The following ALG14 variants were observed in gnomAD, a reference collection of about 807,000 sequenced individuals.
ALG14 encodes the protein ALG14 UDP-N-acetylglucosaminyltransferase subunit.
ALG14 carries 17 observed loss-of-function variants against 22.8 expected under a neutral mutation model. The observed-to-expected ratio is 0.75, with a 90% confidence interval of 0.51 to 1.12. The LOEUF (loss-of-function observed/expected upper bound fraction) is 1.12. Ranked by LOEUF, ALG14 falls within the 50% of genes most tolerant of loss-of-function variation. ALG14 has a pLI of 0.00. For missense variants in ALG14, 288 were observed against 271.8 expected (o/e 1.06, Z -0.42); for synonymous variants, 89 against 103.7 (o/e 0.86, Z 0.86).
rs1672492733 is a variant in ALG14 at position 94,981,506 on chromosome 1, G to T, written c.*1570C>A. ...AAGAAAAAAGGCTGGATCAGCCTCAGGATTTTAATCTTACATGATCGTGGA... is the reference window on the plus strand; with the variant it reads ...AAGAAAAAAGGCTGGATCAGCCTCATGATTTTAATCTTACATGATCGTGGA... On this transcript the variant is annotated 3_prime_UTR_variant, in exon 4 of 4. Coordinates refer to ENST00000370205, the MANE Select transcript of ALG14 (RefSeq NM_144988.4). 1 of 148,152 alleles carries T rather than the reference G, an allele frequency of 6.7e-6. No homozygotes were observed. The highest frequency in any genetic ancestry group is 2.5e-5 in the African/African-American group (1 of 40,376). 9.2% of individuals were successfully genotyped at this position (148,152 alleles called of 1,614,324 possible). A position where few individuals can be genotyped will look rare whatever the true frequency, so the allele number is the denominator to read the frequency against.
intron 2 of ALG14, among the ~76,000 whole-genome samples, chr1:95,036,805 T>G (rs373226457): frequency 1.3e-5 from 2 of 152,184 alleles, no homozygotes; most frequent in Admixed American, 6.5e-5. Context: ...TACAGTCCCA[T>G]GATGGGTCCT....
intron 2 of ALG14, among the ~76,000 whole-genome samples, chr1:95,045,235 T>C (rs763326966): frequency 1.3e-5 from 2 of 152,364 alleles, no homozygotes; most frequent in South Asian, 2.1e-4. Flanking sequence ...ATTTATAGCA[T>C]ATATTACTTT....
intron 2 of ALG14, among the ~76,000 whole-genome samples, chr1:95,060,471 C>A (rs1273691563): frequency 1.3e-5 from 2 of 151,824 alleles, no homozygotes; most frequent in African/African-American, 4.8e-5. Flanking sequence ...AATCCCAGCA[C>A]TTTGGAAGGC....
intron 3 of ALG14, among the ~76,000 whole-genome samples, chr1:95,018,728 T>C (rs533673688): frequency 6.6e-6 from 1 of 152,232 alleles, no homozygotes; most frequent in African/African-American, 2.4e-5. Flanking sequence ...AATTCTGTTC[T>C]TTAATAGAAG....
At chr1:95,020,833 T>C (rs1018908567) in intron 3 of ALG14, among the ~76,000 whole-genome samples, 11 of 152,094 alleles carry the variant, frequency 7.2e-5, no homozygotes, top group Non-Finnish European at 1.6e-4. Context: ...GAAAATGTTT[T>C]GGAACTCGAT....
At chr1:95,009,501 C>G (rs1673308777) in intron 3 of ALG14, among the ~76,000 whole-genome samples, 1 of 152,220 alleles carries the variant, frequency 6.6e-6, no homozygotes, top group African/African-American at 2.4e-5. Flanking sequence ...TTTGACCAGT[C>G]ACCAGGGTTT....
intron 3 of ALG14, among the ~76,000 whole-genome samples, chr1:95,008,097 C>G (rs1673266720): frequency 6.6e-6 from 1 of 152,132 alleles, no homozygotes; most frequent in Non-Finnish European, 1.5e-5. Flanking sequence ...TCGCTTCTTT[C>G]CCATTCCATG....
At chr1:95,017,652 G>A (rs1027778916) in intron 3 of ALG14, among the ~76,000 whole-genome samples, 3 of 152,102 alleles carry the variant, frequency 2.0e-5, no homozygotes, top group African/African-American at 7.2e-5. Flanking sequence ...GGAGGGCCAC[G>A]AGCATGTATC....
At chr1:95,030,875 G>A (rs1241462976) in intron 2 of ALG14, among the ~76,000 whole-genome samples, 1 of 152,218 alleles carries the variant, frequency 6.6e-6, no homozygotes, top group Admixed American at 6.5e-5. Flanking sequence ...ACTAGTGCAA[G>A]CATGTTCTGG....
At position 94,982,969 on chromosome 1, in the gene ALG14, C is replaced by G. The variant is rs1672534111; in HGVS notation, c.*107G>C. On this transcript the variant is annotated 3_prime_UTR_variant, in exon 4 of 4. Coordinates refer to ENST00000370205, the MANE Select transcript of ALG14 (RefSeq NM_144988.4). ...TTTATTCCTTACCATCAATAATTCTCAGGACTGTCAGACGCCTTTACAAGA... is the reference window on the plus strand; with the variant it reads ...TTTATTCCTTACCATCAATAATTCTGAGGACTGTCAGACGCCTTTACAAGA... 10 of 858,388 alleles carry G rather than the reference C, an allele frequency of 1.2e-5. No individual in the cohort carries two copies. Among genetic ancestry groups the G allele is most frequent in the Non-Finnish European group, 1.8e-5 (10 of 541,840 alleles). 53.2% of individuals were successfully genotyped at this position (858,388 alleles called of 1,614,324 possible).
intron 3 of ALG14, among the ~76,000 whole-genome samples, chr1:94,991,206 C>G (rs1672762808): frequency 6.6e-6 from 1 of 152,124 alleles, no homozygotes; most frequent in Non-Finnish European, 1.5e-5. Context: ...AAAGTCCTTG[C>G]CCTTGTAAGG....
chr1:95,033,831 C>T (rs778377172), intron 2 of ALG14, among the ~76,000 whole-genome samples: 19 of 152,178 alleles, frequency 1.2e-4, no homozygotes, highest in Non-Finnish European at 2.5e-4. Context: ...AGTCTCTTTG[C>T]TTCTCCTCTT....
intron 3 of ALG14, among the ~76,000 whole-genome samples, chr1:95,023,128 G>T (rs1673711693): frequency 6.6e-6 from 1 of 151,316 alleles, no homozygotes; most frequent in South Asian, 2.1e-4. Context: ...CACCATCCAT[G>T]TCATCAACTT....
chr1:95,063,654 T>C (rs2100838766), intron 2 of ALG14, among the ~76,000 whole-genome samples: 1 of 152,358 alleles, frequency 6.6e-6, no homozygotes, highest in African/African-American at 2.4e-5. Flanking sequence ...TCTGTTTTTG[T>C]ACAAGTATCA....
intron 2 of ALG14, among the ~76,000 whole-genome samples, chr1:95,038,104 G>A (rs1256558129): frequency 6.6e-6 from 1 of 152,190 alleles, no homozygotes; most frequent in Non-Finnish European, 1.5e-5. Flanking sequence ...CACTTTGGGA[G>A]GCCAAGATAC....
chr1:95,051,514 T>C (rs1191023272), intron 2 of ALG14, among the ~76,000 whole-genome samples: 6 of 152,170 alleles, frequency 3.9e-5, no homozygotes, highest in Admixed American at 2.0e-4. Context: ...TTCTGTCAGA[T>C]CATGTCCCTC....
intron 3 of ALG14, among the ~76,000 whole-genome samples, chr1:95,006,784 C>G (rs1571598099): frequency 6.6e-6 from 1 of 152,340 alleles, no homozygotes; most frequent in East Asian, 1.9e-4. Context: ...TCTGTGGTGT[C>G]TCTTCTGGAA....
chr1:94,997,835 GGGA>G (rs1410969571), intron 3 of ALG14, among the ~76,000 whole-genome samples: 6 of 152,146 alleles, frequency 3.9e-5, no homozygotes, highest in Non-Finnish European at 2.9e-5. Context: ...AACTGAAGCG[GGGA>G]GGAGAATCTT....
intron 2 of ALG14, among the ~76,000 whole-genome samples, chr1:95,049,269 A>C (rs1343102013): frequency 1.3e-5 from 2 of 152,204 alleles, no homozygotes; most frequent in Non-Finnish European, 2.9e-5. Flanking sequence ...ACAGTGGCTC[A>C]CACCTGTAAT....
Sources: gnomAD v4.1 joint callset for allele counts (sites outside exome capture counted in the v4.1 genomes callset) on GRCh38, gnomAD v4.1.1 for gene constraint, MANE v1.5 for transcripts, NCBI Gene and HGNC (gene_info 2026-07-23, HGNC 2026-07-21) for gene names.